The following FSHR variants were observed in gnomAD, a reference collection of about 807,000 sequenced individuals.
FSHR encodes follicle-stimulating hormone receptor.
In FSHR, 46 loss-of-function variants were observed where a neutral mutation model predicts 52.1. The observed-to-expected ratio is 0.88, with a 90% CI of 0.70 to 1.13. The LOEUF is 1.13. Among genes scored for constraint, FSHR ranks in the 50% most tolerant of loss-of-function variants. The pLI, the probability that FSHR is intolerant of heterozygous loss-of-function variation, is 0.00. For synonymous variants in FSHR, 399 were observed against 309.6 expected, an observed-to-expected ratio of 1.29 and a Z score of -3.03; for missense variants, 964 against 834.6, an observed-to-expected ratio of 1.16 and a Z score of -1.91.
chr2:49,072,703 A>T (rs1041013845), intron 1 of FSHR, among the ~76,000 whole-genome samples: 1 of 152,166 alleles, frequency 6.6e-6, no homozygotes, highest in African/African-American at 2.4e-5. Context: ...TTGCAATTAT[A>T]AGGTTAAGTT....
chr2:49,091,650 A>T (rs899113112), intron 1 of FSHR, among the ~76,000 whole-genome samples: 1 of 152,192 alleles, frequency 6.6e-6, no homozygotes, highest in Non-Finnish European at 1.5e-5. Flanking sequence ...TAAAAATACT[A>T]TCCTTTTGCT....
chr2:49,004,452 C>T (rs556204454), intron 4 of FSHR, among the ~76,000 whole-genome samples: 1 of 152,244 alleles, frequency 6.6e-6, no homozygotes, highest in African/African-American at 2.4e-5. Flanking sequence ...TTCCTCTTTC[C>T]ATACAGGGCC....
intron 1 of FSHR, among the ~76,000 whole-genome samples, chr2:49,147,739 T>TA (rs1251686781): frequency 6.6e-6 from 1 of 151,910 alleles, no homozygotes; most frequent in African/African-American, 2.4e-5. Context: ...TTTTTTTTTT[T>TA]ATTCTTCTGC....
chr2:49,138,111 G>C (rs1239845990), intron 1 of FSHR, among the ~76,000 whole-genome samples: 8 of 152,056 alleles, frequency 5.3e-5, no homozygotes, highest in Non-Finnish European at 1.2e-4. Flanking sequence ...ATAAGCCCAT[G>C]AAAGATGCTT....
intron 1 of FSHR, among the ~76,000 whole-genome samples, chr2:49,147,361 C>T (rs1295653324): frequency 2.0e-5 from 3 of 152,168 alleles, no homozygotes; most frequent in Admixed American, 2.0e-4. Flanking sequence ...ATAGTCCAAT[C>T]AACCACAGTG....
intron 2 of FSHR, among the ~76,000 whole-genome samples, chr2:49,058,561 C>A (rs1669155327): frequency 6.6e-6 from 1 of 151,592 alleles, no homozygotes; most frequent in Non-Finnish European, 1.5e-5. Context: ...CTCCTCCCCA[C>A]CTAAAAAAAA....
chr2:49,047,557 C>A lies in FSHR; in HGVS notation c.224+20662G>T, dbSNP rs569067987. Among the ~76,000 whole-genome samples, 23 of 152,300 alleles carry A rather than the reference C, an allele frequency of 1.5e-4. No homozygotes were observed. The South Asian group carries it at 4.8e-3, about 32-fold the overall frequency. On this transcript the variant is annotated intron_variant, in intron 2 of 9. Coordinates refer to ENST00000406846, the MANE Select transcript of FSHR (RefSeq NM_000145.4). ...GGATATGGTTTTTCATGTATTAAAG[C>A]AGATGGTCCTTAAGCATATGTTCCA...
intron 8 of FSHR, among the ~76,000 whole-genome samples, chr2:48,973,377 G>T (rs1267120925): frequency 6.9e-6 from 1 of 144,096 alleles, no homozygotes; most frequent in Non-Finnish European, 1.5e-5. Context: ...CCGCCCCGCA[G>T]TCAGCCGCCT....
At chr2:48,985,504 G>T (rs1675461677) in intron 6 of FSHR, among the ~76,000 whole-genome samples, 1 of 152,114 alleles carries the variant, frequency 6.6e-6, no homozygotes, top group South Asian at 2.1e-4. Context: ...CAGGCACTCT[G>T]CTTACCAGGG....
chr2:49,087,085 T>TTTTG lies in FSHR; in HGVS notation c.153-18796_153-18795insCAAA, dbSNP rs1558433848. Among the ~76,000 whole-genome samples the TTTTG allele has an allele frequency of 8.7e-3, 1,269 of 145,540 alleles. 34 individuals carry two copies. Among genetic ancestry groups the TTTTG allele is most frequent in the African/African-American group, 0.031 (1,205 of 39,044 alleles). ...TGTGGGCAGGGTTTTTTTTTTTTTT[T>TTTTG]TTTTTTTTTTTTTACAAAGCTACTT... On this transcript the variant is annotated intron_variant, in intron 1 of 9. Coordinates refer to ENST00000406846, the MANE Select transcript of FSHR (RefSeq NM_000145.4).
intron 2 of FSHR, among the ~76,000 whole-genome samples, chr2:49,054,248 C>A (rs2104308664): frequency 6.6e-6 from 1 of 152,232 alleles, no homozygotes; most frequent in Middle Eastern, 3.4e-3. Flanking sequence ...AGGAGGTATG[C>A]CCCCAGGCCA....
chr2:49,151,082 T>G (rs1673042757), intron 1 of FSHR, among the ~76,000 whole-genome samples: 1 of 151,972 alleles, frequency 6.6e-6, no homozygotes, highest in Non-Finnish European at 1.5e-5. Flanking sequence ...AAGTGAGTAG[T>G]TGCAAGAAGT....
At chr2:48,970,794 A>G (rs1176859131) in intron 8 of FSHR, among the ~76,000 whole-genome samples, 1 of 152,026 alleles carries the variant, frequency 6.6e-6, no homozygotes, top group Non-Finnish European at 1.5e-5. Context: ...TGTTTTTTCC[A>G]TCTCAGCAAA....
At chr2:49,028,735 C>G (rs1667994470) in intron 2 of FSHR, among the ~76,000 whole-genome samples, 1 of 152,302 alleles carries the variant, frequency 6.6e-6, no homozygotes, top group East Asian at 1.9e-4. Context: ...TTGTGCTTCT[C>G]CATACACTGT....
chr2:49,128,353 A>C (rs887996150), intron 1 of FSHR, among the ~76,000 whole-genome samples: 4 of 152,204 alleles, frequency 2.6e-5, no homozygotes, highest in Non-Finnish European at 5.9e-5. Flanking sequence ...CACACACACA[A>C]ATTGAGCAAT....
intron 1 of FSHR, among the ~76,000 whole-genome samples, chr2:49,103,424 T>C (rs1165475260): frequency 1.3e-5 from 2 of 152,150 alleles, no homozygotes; most frequent in Non-Finnish European, 2.9e-5. Context: ...CTATTTCAGG[T>C]AGAACTACAG....
chr2:49,040,282 T>G (rs1461043107), intron 2 of FSHR, among the ~76,000 whole-genome samples: 1 of 148,038 alleles, frequency 6.8e-6, no homozygotes. Context: ...AGCATGGACT[T>G]CTGTCTTGTA....
intron 2 of FSHR, among the ~76,000 whole-genome samples, chr2:49,056,471 T>C: frequency 1.3e-5 from 1 of 74,262 alleles, no homozygotes. Flanking sequence ...TATATATATA[T>C]ATATATATAT....
intron 2 of FSHR, among the ~76,000 whole-genome samples, chr2:49,022,910 A>T (rs955772316): frequency 6.6e-6 from 1 of 152,186 alleles, no homozygotes; most frequent in African/African-American, 2.4e-5. Context: ...AACCACCTAG[A>T]GATCTTTTTA....
Sources: allele counts gnomAD v4.1 joint callset (sites outside exome capture counted in the v4.1 genomes callset), GRCh38; gene constraint gnomAD v4.1.1; transcripts MANE v1.5; gene names NCBI Gene and HGNC (gene_info 2026-07-23, HGNC 2026-07-21).